Variants in ANKRD33B observed in about 807,000 individuals in gnomAD.
The protein encoded by ANKRD33B is ankyrin repeat domain-containing protein 33B.
ANKRD33B carries 6 observed loss-of-function variants against 21.5 expected under a neutral mutation model. The ratio of observed to expected loss-of-function variants is 0.28; its 90% confidence interval spans 0.15 to 0.55. The LOEUF (loss-of-function observed/expected upper bound fraction) is 0.55, where lower values mean the gene tolerates loss of function less well. Among genes scored for constraint, ANKRD33B ranks in the 20% least tolerant of loss-of-function variants. ANKRD33B has a pLI of 0.94. For missense variants in ANKRD33B, 698 were observed against 747.2 expected, an observed-to-expected ratio of 0.93 and a Z score of 0.77; for synonymous variants, 347 against 342.4, an observed-to-expected ratio of 1.01 and a Z score of -0.15.
intron 1 of ANKRD33B, among the ~76,000 whole-genome samples, chr5:10,577,781 A>C (rs1201976677): frequency 1.3e-5 from 2 of 152,200 alleles, no homozygotes; most frequent in Admixed American, 1.3e-4. Context: ...GGTGTTAGAT[A>C]ACGGGCAGGT....
At chr5:10,567,030 C>T (rs1735077935) in intron 1 of ANKRD33B, among the ~76,000 whole-genome samples, 1 of 152,180 alleles carries the variant, frequency 6.6e-6, no homozygotes, top group South Asian at 2.1e-4. Context: ...TTTTCTTCCC[C>T]TTTGATTACA....
chr5:10,625,308 G>A, intron 2 of ANKRD33B: 1 of 158,616 alleles, frequency 6.3e-6, no homozygotes, highest in Non-Finnish European at 1.4e-5. Context: ...CAGGGAGGAA[G>A]AAAAAGATCC....
chr5:10,632,095 T>G (rs557798227), intron 2 of ANKRD33B, among the ~76,000 whole-genome samples: 1 of 152,034 alleles, frequency 6.6e-6, no homozygotes, highest in South Asian at 2.1e-4. Flanking sequence ...TCAAGGGTTC[T>G]CTGGGGTCCC....
intron 1 of ANKRD33B, among the ~76,000 whole-genome samples, chr5:10,593,370 TGA>T (rs1735739986): frequency 6.6e-6 from 1 of 152,208 alleles, no homozygotes. Flanking sequence ...GTACCATCAA[TGA>T]ATGTACGACC....
At chr5:10,629,321 G>T (rs550435696) in intron 2 of ANKRD33B, among the ~76,000 whole-genome samples, 5 of 152,166 alleles carry the variant, frequency 3.3e-5, no homozygotes, top group Non-Finnish European at 7.4e-5. Flanking sequence ...ATGAGGTCTT[G>T]CCATGCTGCC....
chr5:10,635,017 G>A (rs910138686), intron 2 of ANKRD33B, among the ~76,000 whole-genome samples: 2 of 151,508 alleles, frequency 1.3e-5, no homozygotes, highest in East Asian at 1.9e-4. Context: ...TTGGATCATC[G>A]AAAGCTCAGG....
intron 1 of ANKRD33B, among the ~76,000 whole-genome samples, chr5:10,571,941 T>C (rs1214743846): frequency 1.3e-5 from 2 of 150,224 alleles, no homozygotes; most frequent in Admixed American, 1.3e-4. Flanking sequence ...CAGGCCGGAG[T>C]GCAGTGGCGC....
chr5:10,644,217 A>G (rs184308935), intron 3 of ANKRD33B, among the ~76,000 whole-genome samples: 1 of 152,242 alleles, frequency 6.6e-6, no homozygotes, highest in Non-Finnish European at 1.5e-5. Context: ...AATAAAAAGT[A>G]TAACCGGGTT....
intron 2 of ANKRD33B, among the ~76,000 whole-genome samples, chr5:10,626,718 A>G (rs1251033566): frequency 6.6e-6 from 1 of 152,196 alleles, no homozygotes; most frequent in African/African-American, 2.4e-5. Context: ...ACTCAGGGAC[A>G]TCAAGGAAGA....
intron 2 of ANKRD33B, among the ~76,000 whole-genome samples, chr5:10,622,738 C>A (rs777754903): frequency 2.0e-5 from 3 of 151,934 alleles, no homozygotes; most frequent in Admixed American, 6.5e-5. Context: ...TAGCCCAGCC[C>A]CTTCTTTTTG....
At chr5:10,603,802 T>C (rs1247207122) in intron 1 of ANKRD33B, among the ~76,000 whole-genome samples, 1 of 152,146 alleles carries the variant, frequency 6.6e-6, no homozygotes, top group East Asian at 1.9e-4. Flanking sequence ...AAATTCTTTA[T>C]ATACCTCAAT....
In ANKRD33B at chr5:10,652,020, G is replaced by A. The variant is rs1036908452; in HGVS notation, c.*1907G>A. On this transcript the variant is annotated 3_prime_UTR_variant, in exon 4 of 4. Transcript: ENST00000296657. This position sits in a 1 kb window ranked among gnomAD's most constrained non-coding sequence, Gnocchi z 4.1. Reference sequence around the variant, plus strand: ...GGGTCACCCTCGTGGCCAAGGAGTTGGGATTGGCCATGTCTTCTTCGAGGA... The same window carrying A: ...GGGTCACCCTCGTGGCCAAGGAGTTAGGATTGGCCATGTCTTCTTCGAGGA... The A allele has an allele frequency of 1.3e-5, 2 of 152,394 alleles. No homozygotes were observed. The highest frequency in any genetic ancestry group is 4.8e-5 in the African/African-American group (2 of 41,458). 9.4% of individuals were successfully genotyped at this position (152,394 alleles called of 1,614,324 possible).
intron 1 of ANKRD33B, among the ~76,000 whole-genome samples, chr5:10,602,318 C>T (rs149093335): frequency 0.014 from 2,062 of 152,340 alleles, 30 homozygotes; most frequent in Middle Eastern, 0.031. Flanking sequence ...CTAACACGCT[C>T]CCAGGGGACG....
At chr5:10,634,972 C>T (rs1362711684) in intron 2 of ANKRD33B, among the ~76,000 whole-genome samples, 2 of 151,456 alleles carry the variant, frequency 1.3e-5, no homozygotes, top group Non-Finnish European at 2.9e-5. Context: ...ATTCTGCCAT[C>T]CTGGGAAAAC....
intron 1 of ANKRD33B, among the ~76,000 whole-genome samples, chr5:10,569,811 G>C (rs1033201552): frequency 1.3e-5 from 2 of 152,148 alleles, no homozygotes; most frequent in Non-Finnish European, 2.9e-5. Flanking sequence ...CTCTTCTGCT[G>C]ACCGTGGTGG....
intron 3 of ANKRD33B, among the ~76,000 whole-genome samples, chr5:10,647,270 A>G (rs1231742009): frequency 6.6e-6 from 1 of 151,882 alleles, no homozygotes; most frequent in African/African-American, 2.4e-5. Context: ...ACGCCCAGCT[A>G]ATTTTTTGTG....
chr5:10,618,675 A>G (rs571458872), intron 2 of ANKRD33B, among the ~76,000 whole-genome samples: 1 of 152,216 alleles, frequency 6.6e-6, no homozygotes, highest in Non-Finnish European at 1.5e-5. Context: ...AAGCTCCGAT[A>G]CTGCCCAAAG....
At chr5:10,642,518 C>T (rs538272572) in intron 3 of ANKRD33B, among the ~76,000 whole-genome samples, 10 of 152,212 alleles carry the variant, frequency 6.6e-5, no homozygotes, top group African/African-American at 2.4e-4. Flanking sequence ...TCATCTTCTC[C>T]ACTTCCCATC....
chr5:10,633,557 C>T (rs960566421), intron 2 of ANKRD33B, among the ~76,000 whole-genome samples: 7 of 152,228 alleles, frequency 4.6e-5, no homozygotes, highest in African/African-American at 1.7e-4. Flanking sequence ...TGAATGGACG[C>T]GTGTCAATTC....
Sources: gnomAD v4.1 joint callset for allele counts (sites outside exome capture counted in the v4.1 genomes callset) on GRCh38, gnomAD v4.1.1 for gene constraint, Gnocchi (gnomAD v3.1) non-coding constraint, MANE v1.5 for transcripts, NCBI Gene and HGNC (gene_info 2026-07-23, HGNC 2026-07-21) for gene names.